The following PLCB4 variants were observed in gnomAD, a reference collection of about 807,000 sequenced individuals.
The protein encoded by PLCB4 is phospholipase C beta 4.
Under a neutral mutation model 178.8 loss-of-function variants are expected in PLCB4, and 77 were observed. That is an observed-to-expected ratio of 0.43 (90% CI 0.36 to 0.52). PLCB4 has a LOEUF of 0.52. Among genes scored for constraint, PLCB4 ranks in the 20% least tolerant of loss-of-function variants. The probability of loss-of-function intolerance (pLI) is 0.00; values close to 1 mark genes in which losing one functional copy is unlikely to be tolerated. For synonymous variants in PLCB4, 496 were observed against 490.8 expected (o/e 1.01, Z -0.14); for missense variants, 1,024 against 1,453.4 (o/e 0.70, Z 4.80).
chr20:9,090,465 C>T (rs986908020), intron 1 of PLCB4, among the ~76,000 whole-genome samples: 4 of 149,110 alleles, frequency 2.7e-5, no homozygotes, highest in African/African-American at 7.4e-5. Context: ...CTTTGTCACC[C>T]GATAACTATC....
At chr20:9,413,112 A>G (rs972589654) in intron 25 of PLCB4, among the ~76,000 whole-genome samples, 1 of 152,214 alleles carries the variant, frequency 6.6e-6, no homozygotes, top group African/African-American at 2.4e-5. Context: ...AAGGACCCCA[A>G]GGAGTCAGCC....
chr20:9,140,541 G>C (rs924611502), intron 2 of PLCB4, among the ~76,000 whole-genome samples: 18 of 151,786 alleles, frequency 1.2e-4, no homozygotes, highest in Non-Finnish European at 8.8e-5. Flanking sequence ...GAATGTTGGA[G>C]GGGGGGCCTG....
chr20:9,136,767 A>G (rs894427278), intron 2 of PLCB4, among the ~76,000 whole-genome samples: 3 of 152,124 alleles, frequency 2.0e-5, no homozygotes, highest in African/African-American at 4.8e-5. Flanking sequence ...TACTGCTTTC[A>G]TATGGGAAGG....
At chr20:9,421,582 C>A in intron 27 of PLCB4, 121 bp downstream of exon 27, 1 of 770,236 alleles carries the variant, frequency 1.3e-6, no homozygotes. Context: ...TTCTCTTCTC[C>A]TAATGGCTAA....
At chr20:9,298,969 T>A (rs2094672513) in intron 3 of PLCB4, among the ~76,000 whole-genome samples, 1 of 152,052 alleles carries the variant, frequency 6.6e-6, no homozygotes. Context: ...TTCATTAAAG[T>A]CTAATTCCAG....
chr20:9,274,196 A>T (rs1387179992), intron 3 of PLCB4, among the ~76,000 whole-genome samples: 1 of 152,146 alleles, frequency 6.6e-6, no homozygotes, highest in Non-Finnish European at 1.5e-5. Flanking sequence ...TTAGAAAGGA[A>T]AAGGCACATT....
rs140889969 is a variant in PLCB4, at chr20:9,455,985, G to A, written c.2997-1429G>A. Among the ~76,000 whole-genome samples the A allele has an allele frequency of 6.8e-3, 1,038 of 152,236 alleles. 15 individuals are homozygous for A. The highest frequency in any genetic ancestry group is 0.024 in the African/African-American group (977 of 41,554). On this transcript the variant is annotated intron_variant, in intron 33 of 39. Coordinates refer to ENST00000378473, the MANE Select transcript of PLCB4 (RefSeq NM_001377142.1). ...TGAGTAGCTGAGACTACAGGTACAT[G>A]CTGCCATGCCGGCTAATTTTTTGTA... is the stretch of plus-strand genomic sequence containing the variant.
intron 2 of PLCB4, among the ~76,000 whole-genome samples, chr20:9,108,305 G>A (rs1396110488): frequency 6.6e-6 from 1 of 152,132 alleles, no homozygotes; most frequent in Non-Finnish European, 1.5e-5. Flanking sequence ...AAGACTCAGA[G>A]GACTGAGTCT....
chr20:9,233,234 A>G (rs1325273700), intron 3 of PLCB4, among the ~76,000 whole-genome samples: 3 of 152,098 alleles, frequency 2.0e-5, no homozygotes, highest in East Asian at 1.9e-4. Context: ...AAAAAATTTT[A>G]TGTTTCCGTC....
At chr20:9,147,037 A>T (rs2092610455) in intron 2 of PLCB4, among the ~76,000 whole-genome samples, 1 of 152,168 alleles carries the variant, frequency 6.6e-6, no homozygotes, top group South Asian at 2.1e-4. Context: ...TGAAGAGTCC[A>T]CTAATCATCT....
At chr20:9,104,631 A>G (rs1460957515) in intron 2 of PLCB4, among the ~76,000 whole-genome samples, 2 of 152,100 alleles carry the variant, frequency 1.3e-5, no homozygotes, top group Admixed American at 1.3e-4. Flanking sequence ...AGAACAGTCC[A>G]TTTATTAGTT....
At chr20:9,370,778 G>A (rs1339955748) in intron 9 of PLCB4, among the ~76,000 whole-genome samples, 3 of 151,928 alleles carry the variant, frequency 2.0e-5, no homozygotes, top group Non-Finnish European at 2.9e-5. Context: ...GTGTGGTGGC[G>A]TGCACCTGTA....
At chr20:9,272,437 C>CT (rs756196044) in intron 3 of PLCB4, among the ~76,000 whole-genome samples, 3 of 152,034 alleles carry the variant, frequency 2.0e-5, no homozygotes, top group African/African-American at 4.8e-5. Context: ...ATTACTGACA[C>CT]TTTACATGCT....
intron 7 of PLCB4, among the ~76,000 whole-genome samples, chr20:9,349,071 A>T (rs2064674011): frequency 6.6e-6 from 1 of 152,030 alleles, no homozygotes; most frequent in Admixed American, 6.5e-5. Flanking sequence ...AAAAAAGAAA[A>T]GAAAAGAAAA....
At chr20:9,148,219 A>G (rs2092632269) in intron 2 of PLCB4, among the ~76,000 whole-genome samples, 1 of 152,128 alleles carries the variant, frequency 6.6e-6, no homozygotes, top group African/African-American at 2.4e-5. Context: ...ATCTAGAAGC[A>G]AATCTGGGCC....
chr20:9,153,328 G>T (rs1328927440), intron 2 of PLCB4, among the ~76,000 whole-genome samples: 1 of 152,156 alleles, frequency 6.6e-6, no homozygotes, highest in East Asian at 1.9e-4. Flanking sequence ...AACTTGAATT[G>T]TGTCTCCCAG....
At chr20:9,368,328 C>G (rs1480697450) in intron 9 of PLCB4, among the ~76,000 whole-genome samples, 2 of 152,196 alleles carry the variant, frequency 1.3e-5, no homozygotes, top group African/African-American at 4.8e-5. Flanking sequence ...GCCTTTCTCT[C>G]AAATTCACAA....
chr20:9,100,671 T>A (rs1600401602), intron 2 of PLCB4, among the ~76,000 whole-genome samples: 1 of 152,222 alleles, frequency 6.6e-6, no homozygotes, highest in Non-Finnish European at 1.5e-5. Flanking sequence ...GTTTCTTACA[T>A]GCACCATGTA....
chr20:9,355,504 C>T (rs953133225), intron 7 of PLCB4, among the ~76,000 whole-genome samples: 1 of 151,440 alleles, frequency 6.6e-6, no homozygotes, highest in Non-Finnish European at 1.5e-5. Flanking sequence ...TCCATGTGTT[C>T]TCATTGTTCA....
Sources: allele counts gnomAD v4.1 joint callset (sites outside exome capture counted in the v4.1 genomes callset), GRCh38; gene constraint gnomAD v4.1.1; transcripts MANE v1.5; gene names NCBI Gene and HGNC (gene_info 2026-07-23, HGNC 2026-07-21).